Variants in HIC1 observed in about 807,000 individuals in gnomAD.
HIC1 encodes the protein hypermethylated in cancer 1 protein.
A neutral mutation model predicts 26.4 loss-of-function variants in HIC1; 9 were observed. The ratio of observed to expected loss-of-function variants is 0.34; its 90% confidence interval spans 0.21 to 0.59. The LOEUF is 0.59. HIC1 is among the 20% of genes least tolerant of loss of function. The probability of loss-of-function intolerance (pLI) is 0.82; values close to 1 mark genes in which losing one functional copy is unlikely to be tolerated. For synonymous variants in HIC1, 631 were observed against 523.1 expected (o/e 1.21, Z -2.81); for missense variants, 965 against 1,075.7 (o/e 0.90, Z 1.44).
chr17:2,058,083 C>T lies in HIC1; in HGVS notation c.1393C>T (p.Pro465Ser). ...EVAAGAAGLG[P>S]PFGGGGDKVA... is the part of the protein sequence containing the mutation. ...GGCCGCTGGGGCCGCCGGCCTAGGGCCCCCTTTTGGAGGCGGCGGGGACAA... is the reference window on the plus strand; with the variant it reads ...GGCCGCTGGGGCCGCCGGCCTAGGGTCCCCTTTTGGAGGCGGCGGGGACAA... The change falls in exon 2 of 2, where the codon CCC (proline) becomes TCC (serine). Residue 465 changes from proline (P) to serine (S), a missense_variant. This residue lies in a region of HIC1 where 105 missense variants were observed against 101.4 expected (regional missense o/e 1.04). Coordinates refer to ENST00000619757, the MANE Select transcript of HIC1 (RefSeq NM_006497.4). 6.3e-7 allele frequency: 1 copy of T among 1,587,680 alleles called. No individual in the cohort carries two copies. Among genetic ancestry groups the T allele is most frequent in the Non-Finnish European group, 8.5e-7 (1 of 1,169,872 alleles).
Position 2,061,916 on chromosome 17 carries a change from AG to A in HIC1, c.*3084del. ...GTCAGCCTCCCAGGACCCTAAACTG[AG>A]GGAATAGAAGCAGCCCCTTGACCTC... On this transcript the variant is annotated 3_prime_UTR_variant, in exon 2 of 2. Coordinates refer to ENST00000619757, the MANE Select transcript of HIC1 (RefSeq NM_006497.4). The A allele has an allele frequency of 2.9e-6, 1 of 339,640 alleles. No individual in the cohort carries two copies. The allele number at this position is 339,640 out of a possible 1,614,324, so 21.0% of individuals were successfully genotyped here.
At chr17:2,056,150 G>T in intron 1 of HIC1, 2 of 467,190 alleles carry the variant, frequency 4.3e-6, no homozygotes, top group South Asian at 7.3e-5. Flanking sequence ...CCCGGGCCCC[G>T]ACCGAGGGTT....
Position 2,055,950 on chromosome 17 carries a change from C to T in HIC1, c.-21+712C>T, listed in dbSNP as rs1300405243. 2.0e-5 allele frequency among the ~76,000 whole-genome samples: 3 copies of T among 150,084 alleles called. No homozygotes were observed. Among genetic ancestry groups the T allele is most frequent in the African/African-American group, 7.3e-5 (3 of 41,164 alleles). On this transcript the variant is annotated intron_variant, in intron 1 of 1. Coordinates refer to ENST00000619757, the MANE Select transcript of HIC1 (RefSeq NM_006497.4). The surrounding 1 kb of genome is among the most constrained non-coding windows in gnomAD (Gnocchi z 6.4). The stretch of plus-strand genomic sequence containing the variant: ...CGCAGGCCCGGGTCAGGGCCGCAGC[C>T]GGCTGTGCGCCGTGCCCGCCCGGGG...
In HIC1 at chr17:2,057,677, G is replaced by C; in HGVS notation, c.987G>C (p.Glu329Asp). 6.6e-7 allele frequency: 1 copy of C among 1,504,476 alleles called. No individual in the cohort carries two copies. The highest frequency in any genetic ancestry group is 8.8e-7 in the Non-Finnish European group (1 of 1,133,946). The allele number at this position is 1,504,476 out of a possible 1,614,324, so 93.2% of individuals were successfully genotyped here. A position where few individuals can be genotyped will look rare whatever the true frequency, so the allele number is the denominator to read the frequency against. ...LGSYGDELGRERGSPSERCEE... is the reference protein window; with the variant it reads ...LGSYGDELGRDRGSPSERCEE... ...GCTATGGCGACGAGCTGGGCCGGGA[G>C]CGCGGCTCCCCCAGCGAGCGCTGCG... The change falls in exon 2 of 2, where the codon GAG becomes GAC. Residue 329 changes from glutamate (E) to aspartate (D), a missense_variant. Coordinates refer to ENST00000619757, the MANE Select transcript of HIC1 (RefSeq NM_006497.4).
Position 2,056,412 on chromosome 17 carries a change from C to T in HIC1, c.-20-259C>T, listed in dbSNP as rs1427908819. 5 of 1,536,694 alleles carry T rather than the reference C, an allele frequency of 3.3e-6. No individual in the cohort carries two copies. In the East Asian group the frequency reaches 6.7e-5, roughly 21 times the overall value. ...CTTCTCGGAAGCCCCAGCACCCAGC[C>T]AGGTGCCCTGGGGCGTGCAGGCCGC... On this transcript the variant is annotated intron_variant, in intron 1 of 1. Coordinates refer to ENST00000619757, the MANE Select transcript of HIC1 (RefSeq NM_006497.4).
In HIC1 at chr17:2,059,204, G is replaced by C. The variant is rs962431013; in HGVS notation, c.*369G>C. 7 of 221,434 alleles carry C rather than the reference G, an allele frequency of 3.2e-5. No individual in the cohort carries two copies. Among genetic ancestry groups the C allele is most frequent in the Non-Finnish European group, 5.8e-5 (6 of 104,256 alleles). 13.7% of individuals were successfully genotyped at this position (221,434 alleles called of 1,614,324 possible). A position where few individuals can be genotyped will look rare whatever the true frequency, so the allele number is the denominator to read the frequency against. ...TCGGGGCACTCCTAGCCCTACCTCC[G>C]GCCCTTGCGACCACACCCATTCTCA... On this transcript the variant is annotated 3_prime_UTR_variant, in exon 2 of 2. Coordinates refer to ENST00000619757, the MANE Select transcript of HIC1 (RefSeq NM_006497.4).
chr17:2,058,511 G>A lies in HIC1; in HGVS notation c.1821G>A (p.Ala607=). 6.8e-7 allele frequency: 1 copy of A among 1,465,250 alleles called. No individual in the cohort carries two copies. Among genetic ancestry groups the A allele is most frequent in the Non-Finnish European group, 8.9e-7 (1 of 1,117,694 alleles). The allele number at this position is 1,465,250 out of a possible 1,614,324, so 90.8% of individuals were successfully genotyped here. ...GGAAGAAGAL[A]GLGGLPGVPG... The stretch of plus-strand genomic sequence containing the variant: ...CGGCCGGCGCGGCCGGGGCGCTGGC[G>A]GGCTTGGGGGGGCTCCCCGGCGTCC... The change falls in exon 2 of 2, where the codon GCG becomes GCA. Residue 607 remains alanine (A), a synonymous_variant. Transcript: ENST00000619757.
Position 2,057,465 on chromosome 17 carries a change from G to A in HIC1, c.775G>A (p.Ala259Thr), listed in dbSNP as rs2067682897. 1 of 1,472,040 alleles carries A rather than the reference G, an allele frequency of 6.8e-7. No homozygotes were observed. The highest frequency in any genetic ancestry group is 8.9e-7 in the Non-Finnish European group (1 of 1,119,016). The allele number at this position is 1,472,040 out of a possible 1,614,324, so 91.2% of individuals were successfully genotyped here. ...PDSPPSAGPA[A>T]YKEPPLALPS... ...CAGCCCTCCCAGCGCCGGCCCCGCCGCCTACAAGGAGCCGCCTCTCGCCCT... is the reference window on the plus strand; with the variant it reads ...CAGCCCTCCCAGCGCCGGCCCCGCCACCTACAAGGAGCCGCCTCTCGCCCT... The change falls in exon 2 of 2, where the codon GCC becomes ACC. Residue 259 changes from alanine (A) to threonine (T), a missense_variant. This residue lies in a region of HIC1 where 526 missense variants were observed against 525.0 expected (regional missense o/e 1.00). Transcript: ENST00000619757.
rs775863493 is a variant in HIC1 at position 2,058,604 on chromosome 17, C to T, written c.1914C>T (p.Ala638=). The T allele has an allele frequency of 2.6e-6, 4 of 1,553,696 alleles. No individual in the cohort carries two copies. Among genetic ancestry groups the T allele is most frequent in the Non-Finnish European group, 3.5e-6 (4 of 1,158,106 alleles). ...EGVFAVARLT[A]EQLSLKQQDK... is the part of the protein sequence containing the mutation. Reference sequence around the variant, plus strand: ...TCTTTGCTGTGGCTCGCCTCACGGCCGAGCAGCTGAGCCTGAAGCAGCAGG... The same window carrying T: ...TCTTTGCTGTGGCTCGCCTCACGGCTGAGCAGCTGAGCCTGAAGCAGCAGG... Residue 638 remains alanine, a synonymous_variant, in exon 2 of 2, where the codon GCC becomes GCT. Coordinates refer to ENST00000619757, the MANE Select transcript of HIC1 (RefSeq NM_006497.4).
In HIC1 at chr17:2,061,862, T is replaced by C. The variant is rs550529789; in HGVS notation, c.*3027T>C. 4 of 482,714 alleles carry C rather than the reference T, an allele frequency of 8.3e-6. No homozygotes were observed. The South Asian group carries it at 8.8e-5, about 11-fold the overall frequency. 29.9% of individuals were successfully genotyped at this position (482,714 alleles called of 1,614,324 possible). ...CGGCCTCCCATACAGGACTCTCTTCTGCCTAGTTCCCAAAAGCTGCCCAAA... is the reference window on the plus strand; with the variant it reads ...CGGCCTCCCATACAGGACTCTCTTCCGCCTAGTTCCCAAAAGCTGCCCAAA... On this transcript the variant is annotated 3_prime_UTR_variant, in exon 2 of 2. Transcript: ENST00000619757.
At position 2,058,708 on chromosome 17, in the gene HIC1, A is replaced by G. The variant is rs779947741; in HGVS notation, c.2018A>G (p.Tyr673Cys). The change falls in exon 2 of 2, where the codon TAC (tyrosine) becomes TGC (cysteine). Residue 673 changes from tyrosine (Y) to cysteine (C), a missense_variant. Physicochemically the swap from Tyr to Cys is radical, Grantham distance 194. This residue lies in a region of HIC1 where 210 missense variants were observed against 179.2 expected (regional missense o/e 1.17). Transcript: ENST00000619757. ...HDPKVALESLYPLAKFTAELG... is the reference protein window; with the variant it reads ...HDPKVALESLCPLAKFTAELG... ...CCCAAGGTGGCGCTGGAGAGCCTCT[A>G]CCCGCTGGCCAAGTTCACGGCCGAG... 2 of 1,539,624 alleles carry G rather than the reference A, an allele frequency of 1.3e-6. No individual in the cohort carries two copies. The highest frequency in any genetic ancestry group is 1.7e-6 in the Non-Finnish European group (2 of 1,147,442).
At position 2,061,709 on chromosome 17, in the gene HIC1, G is replaced by A. The variant is rs1402256515; in HGVS notation, c.*2874G>A. The A allele has an allele frequency of 1.1e-5, 16 of 1,448,670 alleles. No homozygotes were observed. Among genetic ancestry groups the A allele is most frequent in the Non-Finnish European group, 1.5e-5 (16 of 1,068,932 alleles). The allele number at this position is 1,448,670 out of a possible 1,614,324, so 89.7% of individuals were successfully genotyped here. On this transcript the variant is annotated 3_prime_UTR_variant, in exon 2 of 2. Coordinates refer to ENST00000619757, the MANE Select transcript of HIC1 (RefSeq NM_006497.4). Reference sequence around the variant, plus strand: ...TTCTCACCCTGGAGAATGTGGTCCTGGGGAGGGGGTGCCACGCTAGCCGTG... The same window carrying A: ...TTCTCACCCTGGAGAATGTGGTCCTAGGGAGGGGGTGCCACGCTAGCCGTG...
chr17:2,057,367 C>G lies in HIC1; in HGVS notation c.677C>G (p.Ser226Cys). The G allele has an allele frequency of 6.8e-7, 1 of 1,465,746 alleles. No homozygotes were observed. 90.8% of individuals were successfully genotyped at this position (1,465,746 alleles called of 1,614,324 possible). Residue 226 changes from serine (S) to cysteine (C), a missense_variant, in exon 2 of 2, where the codon TCC becomes TGC. By Grantham distance (112) the Ser-to-Cys change is moderately radical. Around this residue, in one of 6 missense-constraint regions of HIC1, gnomAD observed 526 missense variants for 525.0 expected, o/e 1.00. Transcript: ENST00000619757. ...TCCCCTCTTTGTGGCCTGGACCTGT[C>G]CAAGAAGAGCCCGCCGGGCTCCGCG... ...RCSPLCGLDL[S>C]KKSPPGSAAP...
rs2151370106 is a variant in HIC1 at position 2,058,445 on chromosome 17, C to T, written c.1755C>T (p.Arg585=). 3.1e-6 allele frequency: 5 copies of T among 1,598,522 alleles called. No individual in the cohort carries two copies. The South Asian group carries it at 4.5e-5, about 14-fold the overall frequency. The change falls in exon 2 of 2, where the codon CGC becomes CGT. Residue 585 remains arginine (R), a synonymous_variant. Transcript: ENST00000619757. The part of the protein sequence containing the change: ...QVCGGKFAQQ[R]NLISHMKMHA... ...GCGGCGGCAAGTTCGCACAGCAACG[C>T]AACCTCATCAGCCACATGAAGATGC... is the stretch of plus-strand genomic sequence containing the variant.
At position 2,056,968 on chromosome 17, in the gene HIC1, C is replaced by T. The variant is rs1173462006; in HGVS notation, c.278C>T (p.Ala93Val). Residue 93 changes from alanine (A) to valine (V), a missense_variant, in exon 2 of 2, where the codon GCG becomes GTG. Around this residue, in one of 6 missense-constraint regions of HIC1, gnomAD observed 526 missense variants for 525.0 expected, o/e 1.00. Coordinates refer to ENST00000619757, the MANE Select transcript of HIC1 (RefSeq NM_006497.4). The stretch of plus-strand genomic sequence containing the variant: ...GGCCGCCTGGCTGACGGCGCAGAGG[C>T]GGCTGCGGCCGCGGCCGTGGCCCCG... Reference protein sequence around the residue: ...YTGRLADGAEAAAAAAVAPGA... With the variant: ...YTGRLADGAEVAAAAAVAPGA... 2 of 1,584,784 alleles carry T rather than the reference C, an allele frequency of 1.3e-6. No homozygotes were observed. The highest frequency in any genetic ancestry group is 8.6e-7 in the Non-Finnish European group (1 of 1,167,880).
chr17:2,061,441 G>C lies in HIC1; in HGVS notation c.*2606G>C. ...ATCTTCCGTGCTACACTGGGCGCCT[G>C]GTGGCCTTTCAGGAACGGTTCCACG... On this transcript the variant is annotated 3_prime_UTR_variant, in exon 2 of 2. Coordinates refer to ENST00000619757, the MANE Select transcript of HIC1 (RefSeq NM_006497.4). The C allele has an allele frequency of 1.3e-6, 2 of 1,529,808 alleles. No homozygotes were observed. Among genetic ancestry groups the C allele is most frequent in the Non-Finnish European group, 8.8e-7 (1 of 1,139,584 alleles). 94.8% of individuals were successfully genotyped at this position (1,529,808 alleles called of 1,614,324 possible). A position where few individuals can be genotyped will look rare whatever the true frequency, so the allele number is the denominator to read the frequency against.
Position 2,061,838 on chromosome 17 carries a change from G to A in HIC1, c.*3003G>A, listed in dbSNP as rs2067790264. On this transcript the variant is annotated 3_prime_UTR_variant, in exon 2 of 2. Coordinates refer to ENST00000619757, the MANE Select transcript of HIC1 (RefSeq NM_006497.4). ...TGCACTGGGCTTCTGCCTTGACTCC[G>A]GCCTCCCATACAGGACTCTCTTCTG... is the stretch of plus-strand genomic sequence containing the variant. 8 of 545,140 alleles carry A rather than the reference G, an allele frequency of 1.5e-5. No homozygotes were observed. The highest frequency in any genetic ancestry group is 8.0e-5 in the South Asian group (4 of 49,712). 33.8% of individuals were successfully genotyped at this position (545,140 alleles called of 1,614,324 possible). A position where few individuals can be genotyped will look rare whatever the true frequency, so the allele number is the denominator to read the frequency against.
At position 2,058,920 on chromosome 17, in the gene HIC1, A is replaced by T; in HGVS notation, c.*85A>T. Reference sequence around the variant, plus strand: ...GCGGCGGGGGCGGCGCGCAGGGCCCACTGTGCCCGGGACAACCGCAGCGTC... The same window carrying T: ...GCGGCGGGGGCGGCGCGCAGGGCCCTCTGTGCCCGGGACAACCGCAGCGTC... On this transcript the variant is annotated 3_prime_UTR_variant, in exon 2 of 2. Transcript: ENST00000619757. 1.7e-6 allele frequency: 2 copies of T among 1,209,448 alleles called. No individual in the cohort carries two copies. The highest frequency in any genetic ancestry group is 2.2e-6 in the Non-Finnish European group (2 of 920,874). The allele number at this position is 1,209,448 out of a possible 1,614,324, so 74.9% of individuals were successfully genotyped here.
rs1351046226 is a variant in HIC1 at position 2,057,826 on chromosome 17, G to T, written c.1136G>T (p.Ser379Ile). 2.5e-6 allele frequency: 4 copies of T among 1,573,366 alleles called. No individual in the cohort carries two copies. The South Asian group carries it at 4.6e-5, about 18-fold the overall frequency. ...GAGGDGDDYK[S>I]SSEETGSSED... Reference sequence around the variant, plus strand: ...GGCGGCGACGGCGACGACTACAAGAGCAGCAGCGAGGAGACCGGTAGCAGC... The same window carrying T: ...GGCGGCGACGGCGACGACTACAAGATCAGCAGCGAGGAGACCGGTAGCAGC... Residue 379 changes from serine (S) to isoleucine (I), a missense_variant, in exon 2 of 2, where the codon AGC (serine) becomes ATC (isoleucine). Coordinates refer to ENST00000619757, the MANE Select transcript of HIC1 (RefSeq NM_006497.4).
Sources: gnomAD v4.1 joint callset for allele counts (sites outside exome capture counted in the v4.1 genomes callset) on GRCh38, gnomAD v4.1.1 for gene constraint, gnomAD v4.1.1 regional missense constraint, Gnocchi (gnomAD v3.1) non-coding constraint, MANE v1.5 for transcripts, NCBI Gene and HGNC (gene_info 2026-07-23, HGNC 2026-07-21) for gene names.